AP4M1: variants seen among roughly 807,000 people sequenced by gnomAD.
AP4M1 encodes the protein adaptor related protein complex 4 subunit mu 1.
AP4M1 carries 58 observed loss-of-function variants against 62.4 expected under a neutral mutation model. The ratio of observed to expected loss-of-function variants is 0.93; its 90% CI spans 0.75 to 1.16. The LOEUF (loss-of-function observed/expected upper bound fraction) is 1.16, where lower values mean the gene tolerates loss of function less well. Ranked by LOEUF, AP4M1 falls within the 50% of genes most tolerant of loss-of-function variation. The pLI is 0.00. For missense variants in AP4M1, 626 were observed against 585.4 expected (o/e 1.07, Z -0.72); for synonymous variants, 290 against 239.7 (o/e 1.21, Z -1.94).
In AP4M1 at chr7:100,107,331, G is replaced by A. The variant is rs756281281; in HGVS notation, c.*449G>A. The stretch of plus-strand genomic sequence containing the variant: ...TGGAGCTGGAGGGGGACTGTCCCCA[G>A]CCTCCTGCTTCCCCCCACAAAGGGC... On this transcript the variant is annotated 3_prime_UTR_variant, in exon 15 of 15. Coordinates refer to ENST00000359593, the MANE Select transcript of AP4M1 (RefSeq NM_004722.4). 6 of 1,544,094 alleles carry A rather than the reference G, an allele frequency of 3.9e-6. No individual in the cohort carries two copies. In the Admixed American group the frequency reaches 1.0e-4, roughly 26 times the overall value.
chr7:100,107,329 C>G lies in AP4M1; in HGVS notation c.*447C>G. ...CCTGGAGCTGGAGGGGGACTGTCCC[C>G]AGCCTCCTGCTTCCCCCCACAAAGG... On this transcript the variant is annotated 3_prime_UTR_variant, in exon 15 of 15. Transcript: ENST00000359593. 6.5e-7 allele frequency: 1 copy of G among 1,543,548 alleles called. No homozygotes were observed. The highest frequency in any genetic ancestry group is 1.3e-5 in the South Asian group (1 of 79,604).
intron 4 of AP4M1, 61 bp downstream of exon 4, chr7:100,103,021 C>A: frequency 4.1e-6 from 5 of 1,232,218 alleles, no homozygotes; most frequent in South Asian, 1.2e-5. Context: ...TACATCTGCT[C>A]TTCTACTGTG....
Position 100,101,984 on chromosome 7 carries a change from A to AG in AP4M1, c.147+18dup, listed in dbSNP as rs1562904375. ...GGTTGTCATGGTAACCAGTGGCGGGAGGCGGGTGAGGAGCGGGGTCCCGTC... is the reference window on the plus strand; with the variant it reads ...GGTTGTCATGGTAACCAGTGGCGGGAGGGCGGGTGAGGAGCGGGGTCCCGTC... On this transcript the variant is annotated intron_variant, in intron 2 of 14. Coordinates refer to ENST00000359593, the MANE Select transcript of AP4M1 (RefSeq NM_004722.4). 1.9e-6 allele frequency: 3 copies of AG among 1,612,340 alleles called. No individual in the cohort carries two copies. The Admixed American group carries it at 5.0e-5, about 27-fold the overall frequency.
Position 100,103,887 on chromosome 7 carries a change from CAA to C in AP4M1, c.544-187_544-186del, listed in dbSNP as rs10671291. Among the ~76,000 whole-genome samples the C allele has an allele frequency of 1.8e-3, 166 of 92,030 alleles. 2 individuals are homozygous for C. Among genetic ancestry groups the C allele is most frequent in the Non-Finnish European group, 2.7e-3 (128 of 48,180 alleles). 60.4% of individuals were successfully genotyped at this position (92,030 alleles called of 152,430 possible). On this transcript the variant is annotated intron_variant, in intron 6 of 14. Coordinates refer to ENST00000359593, the MANE Select transcript of AP4M1 (RefSeq NM_004722.4). ...TGAAAACCTGTCTCTACTAAAAATG[CAA>C]AAAAAAAAAAAAAAAAAGAAAAAGA...
rs1364774873 is a variant in AP4M1 at position 100,104,865 on chromosome 7, G to C, written c.607-9G>C. 1.9e-6 allele frequency: 3 copies of C among 1,613,992 alleles called. No individual in the cohort carries two copies. The African/African-American group carries it at 4.0e-5, about 22-fold the overall frequency. On this transcript the variant is annotated splice_polypyrimidine_tract_variant and intron_variant, in intron 7 of 14. Coordinates refer to ENST00000359593, the MANE Select transcript of AP4M1 (RefSeq NM_004722.4). ...AAAAGACTCTAACCTTGACGCCCCT[G>C]CCTCTCAGGGATCCCTGCTGAAGGT...
upstream of AP4M1, chr7:100,101,265 C>T (rs779791120): frequency 1.9e-6 from 3 of 1,613,264 alleles, no homozygotes; most frequent in Non-Finnish European, 1.7e-6. Flanking sequence ...GACCCGTACC[C>T]TTCTCTAGCG....
Position 100,104,159 on chromosome 7 carries a change from G to C in AP4M1, c.606+5G>C. 1 of 1,613,730 alleles carries C rather than the reference G, an allele frequency of 6.2e-7. No individual in the cohort carries two copies. Among genetic ancestry groups the C allele is most frequent in the Non-Finnish European group, 8.5e-7 (1 of 1,179,714 alleles). On this transcript the variant is annotated splice_donor_5th_base_variant and intron_variant, in intron 7 of 14. Transcript: ENST00000359593. ...TCTGTACTGATAGCATCTAATGTAA[G>C]TTTGAGCTCCCAAACCTGGAGCTGA... is the stretch of plus-strand genomic sequence containing the variant.
At position 100,102,923 on chromosome 7, in the gene AP4M1, A is replaced by G. The variant is rs1289305599; in HGVS notation, c.314A>G (p.Asn105Ser). Residue 105 changes from asparagine to serine, a missense_variant, in exon 4 of 15, where the codon AAT (asparagine) becomes AGT (serine). Transcript: ENST00000359593. ...GSLGEGTISR[N>S]VALVYELLDE... ...CTGGGCGAGGGGACCATCTCCCGCA[A>G]TGTGGCTCTGGTATACGAACTCCTG... is the stretch of plus-strand genomic sequence containing the variant. The G allele has an allele frequency of 1.2e-6, 2 of 1,614,150 alleles. No homozygotes were observed. The highest frequency in any genetic ancestry group is 1.1e-5 in the South Asian group (1 of 91,072).
In AP4M1 at chr7:100,106,350, G is replaced by C. The variant is rs1179851526; in HGVS notation, c.1026-53G>C. The C allele has an allele frequency of 1.9e-6, 3 of 1,612,458 alleles. No homozygotes were observed. In the Admixed American group the frequency reaches 5.0e-5, roughly 27 times the overall value. On this transcript the variant is annotated intron_variant, in intron 13 of 14. Transcript: ENST00000359593. ...GGGGAGAGAGTGAGCTCAGCATGAC[G>C]GGTCTGCCTCAAGAAGGTGCCAAGC... is the stretch of plus-strand genomic sequence containing the variant.
chr7:100,104,647 A>G (rs1796316333), intron 7 of AP4M1, among the ~76,000 whole-genome samples: 1 of 152,202 alleles, frequency 6.6e-6, no homozygotes, highest in Admixed American at 6.6e-5. Context: ...CCTGGCCAAC[A>G]CAGTGAAACT....
Position 100,101,652 on chromosome 7 carries a change from C to T in AP4M1, c.-63C>T, listed in dbSNP as rs1473461541. ...CCAGCGCACACGCGTTCTTTTGTTC[C>T]GGGGCCGCAGGGCGGGGCAGGCCCG... On this transcript the variant is annotated 5_prime_UTR_variant, in exon 1 of 15. Coordinates refer to ENST00000359593, the MANE Select transcript of AP4M1 (RefSeq NM_004722.4). 33 of 1,505,800 alleles carry T rather than the reference C, an allele frequency of 2.2e-5. No individual in the cohort carries two copies. The East Asian group carries it at 5.6e-4, about 26-fold the overall frequency. The allele number at this position is 1,505,800 out of a possible 1,614,324, so 93.3% of individuals were successfully genotyped here.
At chr7:100,101,210 G>A, upstream of AP4M1, 1 of 1,607,796 alleles carries the variant, frequency 6.2e-7, no homozygotes, top group Non-Finnish European at 8.5e-7. Context: ...ACCAACAGGT[G>A]TTCCCCGGGA....
chr7:100,105,296 G>C lies in AP4M1; in HGVS notation c.784G>C (p.Asp262His), dbSNP rs1304918623. 7 of 1,613,976 alleles carry C rather than the reference G, an allele frequency of 4.3e-6. No individual in the cohort carries two copies. Among genetic ancestry groups the C allele is most frequent in the Non-Finnish European group, 5.9e-6 (7 of 1,180,038 alleles). ...CTCGTTTCACAGCTCTGTGAATCTG[G>C]ACGAATTTGAGTCTCATCGAATCCT... Reference protein sequence around the residue: ...EVSFHSSVNLDEFESHRILRL... With the variant: ...EVSFHSSVNLHEFESHRILRL... The change falls in exon 10 of 15, where the codon GAC becomes CAC. Residue 262 changes from aspartate to histidine, a missense_variant. Physicochemically the swap from Asp to His is moderately conservative, Grantham distance 81. Transcript: ENST00000359593.
In AP4M1 at chr7:100,106,758, G is replaced by T. The variant is rs757999633; in HGVS notation, c.1238G>T (p.Arg413Leu). The T allele has an allele frequency of 5.0e-5, 81 of 1,613,896 alleles. No individual in the cohort carries two copies. In the Admixed American group the frequency reaches 1.4e-3, roughly 27 times the overall value. ...GPASLSFELP[R>L]HTCSGLQVRF... ...GCCAGTCTCTCCTTCGAGCTTCCCC[G>T]GCACACGTGCTCTGGCCTCCAGGTC... The change falls in exon 15 of 15, where the codon CGG becomes CTG. Residue 413 changes from arginine to leucine, a missense_variant. By Grantham distance (102) the Arg-to-Leu change is moderately radical. Coordinates refer to ENST00000359593, the MANE Select transcript of AP4M1 (RefSeq NM_004722.4).
chr7:100,102,991 C>G (rs773896176), intron 4 of AP4M1, 31 bp downstream of exon 4: 1 of 1,583,980 alleles, frequency 6.3e-7, no homozygotes, highest in South Asian at 1.1e-5. Context: ...TCTGTGGCCC[C>G]TACCCAATTC....
At position 100,106,564 on chromosome 7, in the gene AP4M1, C is replaced by T. The variant is rs553243502; in HGVS notation, c.1137+50C>T. On this transcript the variant is annotated intron_variant, in intron 14 of 14. Coordinates refer to ENST00000359593, the MANE Select transcript of AP4M1 (RefSeq NM_004722.4). The stretch of plus-strand genomic sequence containing the variant: ...CTCTCCTCCCACATTCACTTGCAGC[C>T]CCCACCCCACCCTCCCGAAGCAGCT... 5 of 1,528,676 alleles carry T rather than the reference C, an allele frequency of 3.3e-6. No individual in the cohort carries two copies. In the African/African-American group the frequency reaches 5.5e-5, roughly 17 times the overall value. 94.7% of individuals were successfully genotyped at this position (1,528,676 alleles called of 1,614,324 possible). A position where few individuals can be genotyped will look rare whatever the true frequency, so the allele number is the denominator to read the frequency against.
rs772203028 is a variant in AP4M1, at chr7:100,106,707, C to T, written c.1187C>T (p.Ser396Leu). 2.4e-5 allele frequency: 38 copies of T among 1,613,684 alleles called. No homozygotes were observed. In the East Asian group the frequency reaches 3.8e-4, roughly 16 times the overall value. Residue 396 changes from serine (S) to leucine (L), a missense_variant, in exon 15 of 15, where the codon TCG becomes TTG. By Grantham distance (145) the Ser-to-Leu change is moderately radical. Coordinates refer to ENST00000359593, the MANE Select transcript of AP4M1 (RefSeq NM_004722.4). ...CCTCCCAGCCATGGGCTCTCCACCT[C>T]GGCCTCTCCTCTGGGGCTGGGCCCT... Reference protein sequence around the residue: ...PGPPSHGLSTSASPLGLGPAS... With the variant: ...PGPPSHGLSTLASPLGLGPAS...
chr7:100,103,767 C>T (rs1044536848), intron 6 of AP4M1, 75 bp downstream of exon 6: 3 of 1,490,308 alleles, frequency 2.0e-6, no homozygotes, highest in Admixed American at 3.4e-5. Flanking sequence ...TTAGGTCGGG[C>T]ACAGCGGCTC....
chr7:100,106,376 C>G, intron 13 of AP4M1, 27 bp from the exon 14 acceptor site: 1 of 1,611,568 alleles, frequency 6.2e-7, no homozygotes, highest in East Asian at 2.2e-5. Context: ...GGTGCCAAGC[C>G]CAGCACCTTC....
Sources: allele counts gnomAD v4.1 joint callset (sites outside exome capture counted in the v4.1 genomes callset), GRCh38; gene constraint gnomAD v4.1.1; transcripts MANE v1.5; gene names NCBI Gene and HGNC (gene_info 2026-07-23, HGNC 2026-07-21).